Variants in MARCHF3 observed in about 807,000 individuals in gnomAD.
MARCHF3 encodes the protein E3 ubiquitin-protein ligase MARCHF3.
Under a neutral mutation model 24.2 loss-of-function variants are expected in MARCHF3, and 13 were observed. The ratio of observed to expected loss-of-function variants is 0.54; its 90% CI spans 0.35 to 0.85. The LOEUF (loss-of-function observed/expected upper bound fraction) is 0.85. Among genes scored for constraint, MARCHF3 ranks in the 40% least tolerant of loss-of-function variants. MARCHF3 has a pLI of 0.01. For missense variants in MARCHF3, 276 were observed against 325.0 expected (o/e 0.85, Z 1.16); for synonymous variants, 144 against 137.3 (o/e 1.05, Z -0.34).
intron 1 of MARCHF3, among the ~76,000 whole-genome samples, chr5:127,025,989 A>T (rs141741012): frequency 9.2e-4 from 140 of 152,264 alleles, no homozygotes; most frequent in African/African-American, 3.0e-3. Flanking sequence ...TAAAAAGTGA[A>T]TTTTTTACAA....
intron 3 of MARCHF3, among the ~76,000 whole-genome samples, chr5:126,907,960 G>A (rs935786833): frequency 2.9e-4 from 44 of 152,044 alleles, no homozygotes; most frequent in East Asian, 7.7e-4. Context: ...GGCTGGTACC[G>A]GTTGTTCCTT....
At chr5:126,887,830 TG>T (rs1397472867) in intron 3 of MARCHF3, among the ~76,000 whole-genome samples, 1 of 152,214 alleles carries the variant, frequency 6.6e-6, no homozygotes, top group African/African-American at 2.4e-5. Context: ...CTTCTTCAGA[TG>T]GGCCTTCACA....
intron 1 of MARCHF3, among the ~76,000 whole-genome samples, chr5:127,001,721 CT>C (rs1160959869): frequency 6.6e-6 from 1 of 152,238 alleles, no homozygotes; most frequent in Non-Finnish European, 1.5e-5. Context: ...GGTTGCCTTG[CT>C]TCCACTTTTG....
chr5:126,951,339 C>A (rs1750224459), intron 1 of MARCHF3, among the ~76,000 whole-genome samples: 1 of 152,218 alleles, frequency 6.6e-6, no homozygotes, highest in African/African-American at 2.4e-5. Context: ...GACTCACTCC[C>A]TTCATGATCC....
chr5:127,028,764 T>C (rs1580508100), intron 1 of MARCHF3, among the ~76,000 whole-genome samples: 1 of 152,306 alleles, frequency 6.6e-6, no homozygotes, highest in Admixed American at 6.5e-5. Flanking sequence ...TATAATTATT[T>C]CACAAAATGC....
At chr5:126,934,239 T>C (rs1325002930) in intron 1 of MARCHF3, among the ~76,000 whole-genome samples, 2 of 152,196 alleles carry the variant, frequency 1.3e-5, no homozygotes, top group African/African-American at 4.8e-5. Context: ...GTGCTTGGCA[T>C]ATAATGGGCA....
At chr5:127,026,399 A>ACGT (rs1264389591) in intron 1 of MARCHF3, among the ~76,000 whole-genome samples, 1 of 152,216 alleles carries the variant, frequency 6.6e-6, no homozygotes, top group Non-Finnish European at 1.5e-5. Context: ...AGGATTCTAT[A>ACGT]CGTAGGCTTT....
At chr5:126,943,444 G>A (rs574707143) in intron 1 of MARCHF3, among the ~76,000 whole-genome samples, 1 of 151,798 alleles carries the variant, frequency 6.6e-6, no homozygotes, top group Non-Finnish European at 1.5e-5. Flanking sequence ...TTAGCTGAGT[G>A]TGGTGGCACA....
chr5:126,978,839 G>T (rs115433381), intron 1 of MARCHF3, among the ~76,000 whole-genome samples: 196 of 152,256 alleles, frequency 1.3e-3, no homozygotes, highest in African/African-American at 4.5e-3. Context: ...CTCATGGATG[G>T]GCTTCTGGGG....
intron 1 of MARCHF3, among the ~76,000 whole-genome samples, chr5:126,982,605 C>T (rs537838939): frequency 6.6e-6 from 1 of 152,274 alleles, no homozygotes; most frequent in Admixed American, 6.5e-5. Context: ...GCCACAGTAG[C>T]AAGGGGTAGT....
chr5:126,966,183 T>C (rs989584564), intron 1 of MARCHF3, among the ~76,000 whole-genome samples: 6 of 152,094 alleles, frequency 3.9e-5, no homozygotes, highest in African/African-American at 1.2e-4. Flanking sequence ...GGAGGCAAAG[T>C]GGGTGTTGGG....
chr5:127,024,844 A>G (rs1752941618), intron 1 of MARCHF3, among the ~76,000 whole-genome samples: 2 of 152,210 alleles, frequency 1.3e-5, no homozygotes, highest in Admixed American at 6.5e-5. Context: ...AAAGTTTTAA[A>G]AGCCTTCAAA....
chr5:126,940,497 G>A (rs1021652145), intron 1 of MARCHF3, among the ~76,000 whole-genome samples: 6 of 151,944 alleles, frequency 3.9e-5, no homozygotes, highest in Admixed American at 3.3e-4. Flanking sequence ...GCCCGGGCTG[G>A]GGTGTAGTGG....
At chr5:127,004,458 A>C (rs1752242210) in intron 1 of MARCHF3, among the ~76,000 whole-genome samples, 1 of 152,188 alleles carries the variant, frequency 6.6e-6, no homozygotes, top group Non-Finnish European at 1.5e-5. Flanking sequence ...CTTTATTCCT[A>C]TCATTTCTTT....
intron 3 of MARCHF3, among the ~76,000 whole-genome samples, chr5:126,889,784 AG>A (rs1304398309): frequency 6.6e-6 from 1 of 152,204 alleles, no homozygotes; most frequent in African/African-American, 2.4e-5. Flanking sequence ...GCTCCACTTG[AG>A]GCAGCGGCTT....
intron 1 of MARCHF3, among the ~76,000 whole-genome samples, chr5:126,989,948 A>G (rs769935897): frequency 7.3e-5 from 11 of 151,458 alleles, no homozygotes; most frequent in Non-Finnish European, 1.5e-4. Flanking sequence ...ATATGGCAAA[A>G]CCTCATCTCT....
At chr5:126,940,958 CT>C (rs1749807538) in intron 1 of MARCHF3, among the ~76,000 whole-genome samples, 1 of 152,126 alleles carries the variant, frequency 6.6e-6, no homozygotes, top group South Asian at 2.1e-4. Context: ...CCCACTTATA[CT>C]TTTGCAACTG....
At chr5:126,883,035 T>C (rs998899354) in intron 3 of MARCHF3, among the ~76,000 whole-genome samples, 6 of 152,194 alleles carry the variant, frequency 3.9e-5, no homozygotes, top group African/African-American at 7.2e-5. Flanking sequence ...GGAAAATGGT[T>C]ACATCTTAAT....
intron 3 of MARCHF3, among the ~76,000 whole-genome samples, chr5:126,908,134 T>A (rs1192277139): frequency 6.6e-6 from 1 of 152,226 alleles, no homozygotes; most frequent in Non-Finnish European, 1.5e-5. Context: ...TCTTTAAGAA[T>A]GTTGAATATT....
Sources: allele counts gnomAD v4.1 joint callset (sites outside exome capture counted in the v4.1 genomes callset), GRCh38; gene constraint gnomAD v4.1.1; transcripts MANE v1.5; gene names NCBI Gene and HGNC (gene_info 2026-07-23, HGNC 2026-07-21).